Variants in COG3 observed in about 807,000 individuals in gnomAD.
COG3 encodes component of oligomeric golgi complex 3.
A neutral mutation model predicts 114.1 loss-of-function variants in COG3; 32 were observed. The ratio of observed to expected loss-of-function variants is 0.28; its 90% CI spans 0.21 to 0.38. The LOEUF (loss-of-function observed/expected upper bound fraction) is 0.38, where lower values mean the gene tolerates loss of function less well. COG3 is among the 10% of genes least tolerant of loss of function. COG3 has a pLI of 1.00. For synonymous variants in COG3, 352 were observed against 365.7 expected, an observed-to-expected ratio of 0.96 and a Z score of 0.43; for missense variants, 813 against 973.2, an observed-to-expected ratio of 0.84 and a Z score of 2.19.
intron 5 of COG3, among the ~76,000 whole-genome samples, chr13:45,481,851 A>G (rs187366769): frequency 2.6e-5 from 4 of 152,208 alleles, no homozygotes; most frequent in Non-Finnish European, 5.9e-5. Flanking sequence ...TATTAAAGAC[A>G]TAGAACTAAA....
chr13:45,535,523 A>G lies in COG3; in HGVS notation c.*792A>G. The G allele has an allele frequency of 1.0e-6, 1 of 985,602 alleles. No individual in the cohort carries two copies. The highest frequency in any genetic ancestry group is 1.2e-6 in the Non-Finnish European group (1 of 830,076). The allele number at this position is 985,602 out of a possible 1,614,324, so 61.1% of individuals were successfully genotyped here. A position where few individuals can be genotyped will look rare whatever the true frequency, so the allele number is the denominator to read the frequency against. ...AAGGTGTCTTAAATTTGGCGCATAGAGGAGAGAAGGAAACCTGAGGAGTAG... is the reference window on the plus strand; with the variant it reads ...AAGGTGTCTTAAATTTGGCGCATAGGGGAGAGAAGGAAACCTGAGGAGTAG... On this transcript the variant is annotated 3_prime_UTR_variant, in exon 23 of 23. Coordinates refer to ENST00000349995, the MANE Select transcript of COG3 (RefSeq NM_031431.4).
intron 3 of COG3, among the ~76,000 whole-genome samples, chr13:45,479,738 C>G (rs1357739153): frequency 6.6e-6 from 1 of 152,166 alleles, no homozygotes; most frequent in Non-Finnish European, 1.5e-5. Context: ...AATTCTAAAT[C>G]TAGAATTCTT....
chr13:45,487,686 A>G (rs1452969027), intron 8 of COG3, among the ~76,000 whole-genome samples: 4 of 152,232 alleles, frequency 2.6e-5, no homozygotes, highest in African/African-American at 9.6e-5. Flanking sequence ...CCACAGTGAG[A>G]TGTCATCTCA....
intron 19 of COG3, among the ~76,000 whole-genome samples, chr13:45,522,141 C>G (rs941728065): frequency 5.9e-5 from 9 of 151,950 alleles, no homozygotes; most frequent in Non-Finnish European, 5.9e-5. Context: ...CCTTGATAAA[C>G]GGTTGCAGGA....
Position 45,491,337 on chromosome 13 carries a change from C to G in COG3, c.969-75C>G, listed in dbSNP as rs140943638. The stretch of plus-strand genomic sequence containing the variant: ...ATAGCTTTAAAAGAGGTTTGGCAAC[C>G]TACACTGGGATTTAAGATGAAATTT... On this transcript the variant is annotated intron_variant, in intron 9 of 22. Coordinates refer to ENST00000349995, the MANE Select transcript of COG3 (RefSeq NM_031431.4). The G allele has an allele frequency of 6.7e-6, 10 of 1,497,838 alleles. No individual in the cohort carries two copies. The East Asian group carries it at 2.1e-4, about 31-fold the overall frequency. The allele number at this position is 1,497,838 out of a possible 1,614,324, so 92.8% of individuals were successfully genotyped here.
chr13:45,503,396 C>A, intron 14 of COG3, 47 bp downstream of exon 14: 1 of 1,018,980 alleles, frequency 9.8e-7, no homozygotes, highest in East Asian at 2.4e-5. Context: ...TTTGGGTTAA[C>A]AAACCTTTAC....
Position 45,481,239 on chromosome 13 carries a change from G to C in COG3, c.559G>C (p.Val187Leu), listed in dbSNP as rs1458148615. 1 of 1,589,110 alleles carries C rather than the reference G, an allele frequency of 6.3e-7. No individual in the cohort carries two copies. The highest frequency in any genetic ancestry group is 8.6e-7 in the Non-Finnish European group (1 of 1,160,538). ...TTTTAAAAAATGCAAGTCGGAACTT[G>C]TTGATCTGGCTGAAAACATTCAACA... ...EQLLKEQSELVDLAENIQQKL... is the reference protein window; with the variant it reads ...EQLLKEQSELLDLAENIQQKL... Residue 187 changes from valine (V) to leucine (L), a missense_variant, in exon 5 of 23, where the codon GTT becomes CTT. Val to Leu is a conservative substitution (Grantham distance 32). Coordinates refer to ENST00000349995, the MANE Select transcript of COG3 (RefSeq NM_031431.4).
At chr13:45,521,014 A>G (rs1336917166) in intron 19 of COG3, among the ~76,000 whole-genome samples, 1 of 152,240 alleles carries the variant, frequency 6.6e-6, no homozygotes, top group African/African-American at 2.4e-5. Flanking sequence ...GTTCTAGAAC[A>G]GCACAGTTTT....
In COG3 at chr13:45,492,199, A is replaced by G. The variant is rs1593702540; in HGVS notation, c.1136A>G (p.Asp379Gly). The G allele has an allele frequency of 6.2e-7, 1 of 1,610,658 alleles. No homozygotes were observed. Among genetic ancestry groups the G allele is most frequent in the East Asian group, 2.2e-5 (1 of 44,570 alleles). ...GCCTTCATGGTTCATGTCTGCCAGG[A>G]TGAACACCAACTTTACAATGAATTT... ...GCAFMVHVCQ[D>G]EHQLYNEFFT... The change falls in exon 11 of 23, where the codon GAT becomes GGT. Residue 379 changes from aspartate to glycine, a missense_variant. Coordinates refer to ENST00000349995, the MANE Select transcript of COG3 (RefSeq NM_031431.4).
intron 8 of COG3, among the ~76,000 whole-genome samples, chr13:45,487,888 T>C (rs1224908746): frequency 6.6e-6 from 1 of 152,230 alleles, no homozygotes; most frequent in Non-Finnish European, 1.5e-5. Context: ...ACTGGGTATT[T>C]ATCCAAAGGC....
In COG3 at chr13:45,535,799, T is replaced by C. The variant is rs1045857756; in HGVS notation, c.*1068T>C. On this transcript the variant is annotated 3_prime_UTR_variant, in exon 23 of 23. Coordinates refer to ENST00000349995, the MANE Select transcript of COG3 (RefSeq NM_031431.4). ...TATCAGGGATCATAAATTATGCATA[T>C]CTATGAATTTTCCAACAAATTCCTA... is the stretch of plus-strand genomic sequence containing the variant. 3 of 987,500 alleles carry C rather than the reference T, an allele frequency of 3.0e-6. No homozygotes were observed. Among genetic ancestry groups the C allele is most frequent in the African/African-American group, 1.7e-5 (1 of 57,312 alleles). 61.2% of individuals were successfully genotyped at this position (987,500 alleles called of 1,614,324 possible). A position where few individuals can be genotyped will look rare whatever the true frequency, so the allele number is the denominator to read the frequency against.
chr13:45,494,134 G>T (rs1868436453), intron 12 of COG3, among the ~76,000 whole-genome samples: 1 of 152,042 alleles, frequency 6.6e-6, no homozygotes, highest in East Asian at 1.9e-4. Flanking sequence ...AGAACAGCCT[G>T]GCCAACATGG....
intron 16 of COG3, chr13:45,512,082 T>G (rs1870927893): frequency 2.2e-6 from 1 of 451,776 alleles, no homozygotes; most frequent in East Asian, 3.7e-5. Flanking sequence ...GGTACTTAGG[T>G]TACACATTCT....
At position 45,530,023 on chromosome 13, in the gene COG3, C is replaced by G. The variant is rs182714116; in HGVS notation, c.2358+105C>G. The G allele has an allele frequency of 1.1e-5, 14 of 1,303,346 alleles. No homozygotes were observed. The East Asian group carries it at 3.5e-4, about 33-fold the overall frequency. 80.7% of individuals were successfully genotyped at this position (1,303,346 alleles called of 1,614,324 possible). A position where few individuals can be genotyped will look rare whatever the true frequency, so the allele number is the denominator to read the frequency against. ...GTAGACATTTAGAAATGTTGGTATACTGTTCTAGTGAAGTTGAATAATCAC... is the reference window on the plus strand; with the variant it reads ...GTAGACATTTAGAAATGTTGGTATAGTGTTCTAGTGAAGTTGAATAATCAC... On this transcript the variant is annotated intron_variant, in intron 21 of 22. Coordinates refer to ENST00000349995, the MANE Select transcript of COG3 (RefSeq NM_031431.4).
intron 20 of COG3, 64 bp downstream of exon 20, chr13:45,525,115 C>T (rs1872549155): frequency 7.6e-7 from 1 of 1,318,534 alleles, no homozygotes. Flanking sequence ...TTTATATAGT[C>T]CTTACTGTGA....
chr13:45,524,680 G>T (rs536511046), intron 19 of COG3, among the ~76,000 whole-genome samples: 1 of 152,228 alleles, frequency 6.6e-6, no homozygotes, highest in African/African-American at 2.4e-5. Context: ...CTTCATTTTT[G>T]TCTTCCTAGT....
At chr13:45,491,068 C>A in intron 9 of COG3, 110 bp downstream of exon 9, 1 of 732,014 alleles carries the variant, frequency 1.4e-6, no homozygotes, top group Non-Finnish European at 2.3e-6. Context: ...CCAGCTTGTT[C>A]TTGTAACATA....
At chr13:45,526,266 A>G (rs917688670) in intron 20 of COG3, among the ~76,000 whole-genome samples, 3 of 151,278 alleles carry the variant, frequency 2.0e-5, no homozygotes, top group Non-Finnish European at 2.9e-5. Flanking sequence ...TTGTATTTTT[A>G]GTAGAGACGG....
At chr13:45,471,929 C>T (rs534211295) in intron 1 of COG3, among the ~76,000 whole-genome samples, 3 of 152,116 alleles carry the variant, frequency 2.0e-5, no homozygotes, top group Non-Finnish European at 4.4e-5. Flanking sequence ...GACAGGGTTT[C>T]GCCATGTTGG....
Sources: allele counts gnomAD v4.1 joint callset (sites outside exome capture counted in the v4.1 genomes callset), GRCh38; gene constraint gnomAD v4.1.1; transcripts MANE v1.5; gene names NCBI Gene and HGNC (gene_info 2026-07-23, HGNC 2026-07-21).